DGKB: variants seen among roughly 807,000 people sequenced by gnomAD.
The protein encoded by DGKB is 90 kDa diacylglycerol kinase.
In DGKB, 67 loss-of-function variants were observed where a neutral mutation model predicts 114.3. That is an observed-to-expected ratio of 0.59 (90% CI 0.48 to 0.72). The LOEUF (loss-of-function observed/expected upper bound fraction) is 0.72. DGKB is among the 30% of genes least tolerant of loss of function. The pLI, the probability that DGKB is intolerant of heterozygous loss-of-function variation, is 0.00. For synonymous variants in DGKB, 398 were observed against 323.1 expected, an observed-to-expected ratio of 1.23 and a Z score of -2.49; for missense variants, 907 against 975.2, an observed-to-expected ratio of 0.93 and a Z score of 0.93.
chr7:14,195,939 A>G (rs764955136), intron 23 of DGKB, among the ~76,000 whole-genome samples: 2 of 152,182 alleles, frequency 1.3e-5, no homozygotes, highest in Non-Finnish European at 2.9e-5. Flanking sequence ...TCAGAAGTAA[A>G]TCTTACTGTC....
chr7:14,793,315 C>G (rs1044855741), intron 2 of DGKB, among the ~76,000 whole-genome samples: 6 of 152,118 alleles, frequency 3.9e-5, no homozygotes, highest in African/African-American at 1.4e-4. Flanking sequence ...CCCCGCCAAT[C>G]CTGCCTGATT....
intron 17 of DGKB, among the ~76,000 whole-genome samples, chr7:14,594,089 C>T (rs1365278571): frequency 1.3e-5 from 2 of 151,974 alleles, no homozygotes; most frequent in Non-Finnish European, 2.9e-5. Flanking sequence ...CAAATATAAG[C>T]CAATGAGATC....
Position 14,831,241 on chromosome 7 carries a change from CT to C in DGKB, c.70+9952del, listed in dbSNP as rs147601134. Among the ~76,000 whole-genome samples, 1,150 of 152,050 alleles carry C rather than the reference CT, an allele frequency of 7.6e-3. 18 individuals carry two copies. The highest frequency in any genetic ancestry group is 0.027 in the African/African-American group (1,104 of 41,504). On this transcript the variant is annotated intron_variant, in intron 2 of 25. Coordinates refer to ENST00000402815, the MANE Select transcript of DGKB (RefSeq NM_001350709.2). ...ATATTTACATGGACCAAAAGGCAACCTGATGGGGAAATATGTATTTTGATTA... is the reference window on the plus strand; with the variant it reads ...ATATTTACATGGACCAAAAGGCAACCGATGGGGAAATATGTATTTTGATTA...
At chr7:14,615,851 C>A (rs1478787765) in intron 15 of DGKB, among the ~76,000 whole-genome samples, 1 of 151,570 alleles carries the variant, frequency 6.6e-6, no homozygotes, top group Admixed American at 6.6e-5. Flanking sequence ...TTCTGGTTTT[C>A]AGAGAGGTCC....
upstream of DGKB, among the ~76,000 whole-genome samples, chr7:14,907,568 T>C (rs1285032931): frequency 6.6e-6 from 1 of 152,192 alleles, no homozygotes; most frequent in South Asian, 2.1e-4. Flanking sequence ...CACACACACA[T>C]GTGCACAGGG....
chr7:14,761,203 G>C (rs898728462), intron 2 of DGKB, among the ~76,000 whole-genome samples: 10 of 152,084 alleles, frequency 6.6e-5, no homozygotes, highest in African/African-American at 2.4e-4. Context: ...AACATTTCTT[G>C]GGCCCAGTTT....
In DGKB at chr7:14,490,182, A is replaced by G. The variant is rs551719267; in HGVS notation, c.1771-11957T>C. 2.6e-5 allele frequency among the ~76,000 whole-genome samples: 4 copies of G among 152,258 alleles called. No homozygotes were observed. In the East Asian group the frequency reaches 7.7e-4, roughly 29 times the overall value. Reference sequence around the variant, plus strand: ...AATTGGTTTACATAACTCAGCAAAAATCAAGTTAAGGTAGCCAAAACTTAA... The same window carrying G: ...AATTGGTTTACATAACTCAGCAAAAGTCAAGTTAAGGTAGCCAAAACTTAA... On this transcript the variant is annotated intron_variant, in intron 20 of 25. Coordinates refer to ENST00000402815, the MANE Select transcript of DGKB (RefSeq NM_001350709.2).
chr7:14,364,861 G>A (rs1293214344), intron 21 of DGKB, among the ~76,000 whole-genome samples: 1 of 151,862 alleles, frequency 6.6e-6, no homozygotes, highest in Non-Finnish European at 1.5e-5. Flanking sequence ...CAAAAGTCGT[G>A]GAGCAACAGA....
chr7:14,274,142 T>A (rs538349833), intron 23 of DGKB, among the ~76,000 whole-genome samples: 46 of 152,264 alleles, frequency 3.0e-4, no homozygotes, highest in African/African-American at 1.1e-3. Context: ...ATTGCCAGTT[T>A]GGTCAATGAA....
intron 22 of DGKB, among the ~76,000 whole-genome samples, chr7:14,340,640 A>G (rs1232563593): frequency 6.6e-6 from 1 of 151,482 alleles, no homozygotes; most frequent in Non-Finnish European, 1.5e-5. Context: ...GGCTTCTGAA[A>G]TCTGCCTAAT....
chr7:14,468,778 C>G (rs938637310), intron 21 of DGKB, among the ~76,000 whole-genome samples: 2 of 151,870 alleles, frequency 1.3e-5, no homozygotes, highest in Non-Finnish European at 2.9e-5. Context: ...TTCTTGTAAT[C>G]TTGTGGACAT....
chr7:14,488,933 C>G (rs1336615353), intron 20 of DGKB, among the ~76,000 whole-genome samples: 1 of 151,302 alleles, frequency 6.6e-6, no homozygotes, highest in East Asian at 1.9e-4. Context: ...GTCTAGAAAT[C>G]TAAAATGAAG....
chr7:14,947,109 A>G (rs1785928425), intron 1 of DGKB, among the ~76,000 whole-genome samples: 1 of 151,622 alleles, frequency 6.6e-6, no homozygotes, highest in Admixed American at 6.6e-5. Context: ...TATACACAAT[A>G]TCAAGGACAT....
chr7:14,640,088 G>A (rs1360293077), intron 13 of DGKB, among the ~76,000 whole-genome samples: 1 of 152,176 alleles, frequency 6.6e-6, no homozygotes, highest in Admixed American at 6.5e-5. Context: ...TCACTGGAAT[G>A]AGTTCTACAA....
rs183900245 is a variant in DGKB at position 14,245,652 on chromosome 7, G to C, written c.2123-67501C>G. ...CTCCATTTAACATGATTTCTGCCAG[G>C]CGAGACGGCTGACGCCTGTAATCCT... On this transcript the variant is annotated intron_variant, in intron 23 of 25. Coordinates refer to ENST00000402815, the MANE Select transcript of DGKB (RefSeq NM_001350709.2). 3.7e-3 allele frequency among the ~76,000 whole-genome samples: 561 copies of C among 152,240 alleles called. 3 individuals are homozygous for C. The highest frequency in any genetic ancestry group is 0.011 in the African/African-American group (455 of 41,518).
intron 23 of DGKB, among the ~76,000 whole-genome samples, chr7:14,290,373 C>G (rs1801572320): frequency 6.6e-6 from 1 of 151,770 alleles, no homozygotes; most frequent in African/African-American, 2.4e-5. Context: ...GCCTGAAAGC[C>G]TATAAATTAT....
At chr7:14,931,525 G>T (rs1361847123) in intron 1 of DGKB, among the ~76,000 whole-genome samples, 1 of 152,112 alleles carries the variant, frequency 6.6e-6, no homozygotes, top group Non-Finnish European at 1.5e-5. Context: ...AGGGGGAGTG[G>T]GGCAGTCCTC....
intron 1 of DGKB, among the ~76,000 whole-genome samples, chr7:14,896,162 T>C (rs565461474): frequency 6.6e-6 from 1 of 151,754 alleles, no homozygotes; most frequent in Non-Finnish European, 1.5e-5. Context: ...GAGTAGCCAA[T>C]ATAAAGCAAA....
intron 17 of DGKB, among the ~76,000 whole-genome samples, chr7:14,596,958 C>CTA (rs1802684130): frequency 6.6e-6 from 1 of 152,152 alleles, no homozygotes; most frequent in Non-Finnish European, 1.5e-5. Flanking sequence ...AAGATCCTTC[C>CTA]TATAGTCTTG....
Sources: allele counts gnomAD v4.1 joint callset (sites outside exome capture counted in the v4.1 genomes callset), GRCh38; gene constraint gnomAD v4.1.1; transcripts MANE v1.5; gene names NCBI Gene and HGNC (gene_info 2026-07-23, HGNC 2026-07-21).